Variants in PHACTR1 observed in about 807,000 individuals in gnomAD.
PHACTR1 encodes phosphatase and actin regulator 1.
A neutral mutation model predicts 69.2 loss-of-function variants in PHACTR1; 16 were observed. The observed-to-expected ratio is 0.23, with a 90% CI of 0.16 to 0.35. PHACTR1 has a LOEUF of 0.35. PHACTR1 is among the 10% of genes least tolerant of loss of function. The pLI is 1.00. For missense variants in PHACTR1, 510 were observed against 734.7 expected, an observed-to-expected ratio of 0.69 and a Z score of 3.54; for synonymous variants, 312 against 284.5, an observed-to-expected ratio of 1.10 and a Z score of -0.97.
At chr6:13,063,652 T>A (rs1269138714) in intron 5 of PHACTR1, among the ~76,000 whole-genome samples, 2 of 151,722 alleles carry the variant, frequency 1.3e-5, no homozygotes, top group African/African-American at 4.8e-5. Flanking sequence ...TGATGGCGCA[T>A]GCCTGTAGTC....
intron 4 of PHACTR1, among the ~76,000 whole-genome samples, chr6:13,013,964 A>C (rs1257200913): frequency 6.6e-6 from 1 of 151,504 alleles, no homozygotes; most frequent in Non-Finnish European, 1.5e-5. Context: ...GCGCGGTGCC[A>C]GGCGCGAGCG....
intron 4 of PHACTR1, among the ~76,000 whole-genome samples, chr6:12,841,286 G>A (rs768928817): frequency 1.3e-5 from 2 of 152,196 alleles, no homozygotes; most frequent in Non-Finnish European, 2.9e-5. Flanking sequence ...TTAGACCAAT[G>A]TGTTGTCTCT....
At chr6:13,059,138 A>G (rs760046303) in intron 5 of PHACTR1, among the ~76,000 whole-genome samples, 1 of 152,122 alleles carries the variant, frequency 6.6e-6, no homozygotes, top group Non-Finnish European at 1.5e-5. Flanking sequence ...AATATTATTT[A>G]GTCTTAAAAA....
intron 10 of PHACTR1, among the ~76,000 whole-genome samples, chr6:13,254,595 A>G (rs535288812): frequency 1.3e-5 from 2 of 152,218 alleles, no homozygotes; most frequent in Non-Finnish European, 2.9e-5. Context: ...CTCTATCATG[A>G]TCTTCCCATC....
At chr6:12,973,662 C>G (rs188040156) in intron 4 of PHACTR1, among the ~76,000 whole-genome samples, 10 of 152,200 alleles carry the variant, frequency 6.6e-5, no homozygotes, top group African/African-American at 2.4e-4. Flanking sequence ...CTATTTTGCT[C>G]TAGGGTTGCT....
rs191509561 is a variant in PHACTR1, at chr6:13,068,975, A to G, written c.415+15446A>G. On this transcript the variant is annotated intron_variant, in intron 5 of 14. Transcript: ENST00000332995. ...GTGCTATAACTACTTAGGCTGAACGATAATCTAAACCAGGCCTGAGCTAAG... is the reference window on the plus strand; with the variant it reads ...GTGCTATAACTACTTAGGCTGAACGGTAATCTAAACCAGGCCTGAGCTAAG... 2.7e-3 allele frequency among the ~76,000 whole-genome samples: 410 copies of G among 152,296 alleles called. 2 individuals are homozygous for G. The highest frequency in any genetic ancestry group is 9.4e-3 in the African/African-American group (392 of 41,556).
At chr6:13,276,296 T>G (rs962955964) in intron 11 of PHACTR1, among the ~76,000 whole-genome samples, 32 of 152,292 alleles carry the variant, frequency 2.1e-4, no homozygotes, top group African/African-American at 7.5e-4. Flanking sequence ...CAAAGCCTTA[T>G]GCCCACAGGC....
At chr6:13,235,242 C>G (rs1398732266) in intron 10 of PHACTR1, among the ~76,000 whole-genome samples, 1 of 152,144 alleles carries the variant, frequency 6.6e-6, no homozygotes, top group Non-Finnish European at 1.5e-5. Flanking sequence ...TGCATTCTCT[C>G]TAGATCTCCT....
chr6:12,955,433 A>G (rs1240594335), intron 4 of PHACTR1, among the ~76,000 whole-genome samples: 1 of 151,948 alleles, frequency 6.6e-6, no homozygotes, highest in Non-Finnish European at 1.5e-5. Context: ...TCAAACTCCT[A>G]TTCTCGCCTG....
chr6:13,000,213 G>A (rs1797908961), intron 4 of PHACTR1, among the ~76,000 whole-genome samples: 1 of 152,148 alleles, frequency 6.6e-6, no homozygotes, highest in African/African-American at 2.4e-5. Context: ...GGAACTGTAA[G>A]TCATCTGGAG....
At chr6:12,925,777 A>G (rs79050238) in intron 4 of PHACTR1, among the ~76,000 whole-genome samples, 1,987 of 152,262 alleles carry the variant, frequency 0.013, 47 homozygotes, top group African/African-American at 0.045. Context: ...CAGAGAACAA[A>G]ATGGCCTGGG....
chr6:13,000,614 G>GAGGA lies in PHACTR1; in HGVS notation c.251-52727_251-52724dup, dbSNP rs796923836. Among the ~76,000 whole-genome samples the GAGGA allele has an allele frequency of 8.8e-3, 916 of 103,742 alleles. 17 individuals carry two copies. The highest frequency in any genetic ancestry group is 0.04 in the African/African-American group (861 of 21,602). The allele number at this position is 103,742 out of a possible 152,430, so 68.1% of individuals were successfully genotyped here. ...AGAGAAGAGAGGGAAGGAGGGAAGG[G>GAGGA]AGGAAGGAAGGAAGGAAGGAAGGAA... On this transcript the variant is annotated intron_variant, in intron 4 of 14. Transcript: ENST00000332995.
chr6:13,225,859 T>G (rs545287648), intron 8 of PHACTR1, among the ~76,000 whole-genome samples: 1 of 152,310 alleles, frequency 6.6e-6, no homozygotes, highest in African/African-American at 2.4e-5. Context: ...GCCTCTTCCA[T>G]CCTTACTTCC....
chr6:13,049,526 C>G (rs145684594), intron 4 of PHACTR1, among the ~76,000 whole-genome samples: 22 of 152,276 alleles, frequency 1.4e-4, no homozygotes, highest in Non-Finnish European at 2.8e-4. Flanking sequence ...ACTTTTGTGT[C>G]TTAGGCTGTT....
intron 6 of PHACTR1, among the ~76,000 whole-genome samples, chr6:13,175,988 C>A (rs1189265613): frequency 6.6e-6 from 1 of 152,000 alleles, no homozygotes; most frequent in Non-Finnish European, 1.5e-5. Context: ...TTGGCTCCCC[C>A]AGTGGAGACA....
chr6:13,084,532 AG>A (rs1229370456), intron 5 of PHACTR1, among the ~76,000 whole-genome samples: 1 of 152,164 alleles, frequency 6.6e-6, no homozygotes, highest in African/African-American at 2.4e-5. Flanking sequence ...ATTAAAAAAA[AG>A]AATTAATACA....
intron 3 of PHACTR1, chr6:12,749,285 A>G: frequency 2.6e-6 from 1 of 387,802 alleles, no homozygotes; most frequent in Non-Finnish European, 5.0e-6. Context: ...AGGGCTGGAA[A>G]CTGGGGCTGC....
intron 4 of PHACTR1, among the ~76,000 whole-genome samples, chr6:13,047,121 T>A (rs1805182073): frequency 6.6e-6 from 1 of 152,128 alleles, no homozygotes; most frequent in African/African-American, 2.4e-5. Flanking sequence ...CTCACACCTG[T>A]AGTCCCAGCA....
At chr6:12,931,743 C>T (rs958564244) in intron 4 of PHACTR1, among the ~76,000 whole-genome samples, 5 of 151,468 alleles carry the variant, frequency 3.3e-5, no homozygotes, top group Admixed American at 6.6e-5. Flanking sequence ...GAATTGCCCT[C>T]GTATTCTTTC....
Sources: gnomAD v4.1 joint callset for allele counts (sites outside exome capture counted in the v4.1 genomes callset) on GRCh38, gnomAD v4.1.1 for gene constraint, MANE v1.5 for transcripts, NCBI Gene and HGNC (gene_info 2026-07-23, HGNC 2026-07-21) for gene names.